Variants in SH3BP4 observed in about 807,000 individuals in gnomAD.
SH3BP4 encodes the protein SH3 domain-binding protein 4.
SH3BP4 carries 33 observed loss-of-function variants against 65.5 expected under a neutral mutation model. The observed-to-expected ratio is 0.50, with a 90% CI of 0.38 to 0.67. The LOEUF (loss-of-function observed/expected upper bound fraction) is 0.67, where lower values mean the gene tolerates loss of function less well. SH3BP4 is among the 30% of genes least tolerant of loss of function. The pLI is 0.00. For missense variants in SH3BP4, 1,134 were observed against 1,261.4 expected (o/e 0.90, Z 1.53); for synonymous variants, 552 against 545.5 (o/e 1.01, Z -0.17).
chr2:234,986,632 C>CT (rs1302871751), intron 1 of SH3BP4, among the ~76,000 whole-genome samples: 1 of 151,948 alleles, frequency 6.6e-6, no homozygotes, highest in Non-Finnish European at 1.5e-5. Context: ...AGGATCCCAG[C>CT]TTTTCACTTC....
intron 2 of SH3BP4, among the ~76,000 whole-genome samples, chr2:235,005,225 T>TGTCTGTCTGTCTGTCC (rs1694256335): frequency 1.3e-5 from 2 of 152,186 alleles, no homozygotes; most frequent in Non-Finnish European, 2.9e-5. Flanking sequence ...CATGTCTGTC[T>TGTCTGTCTGTCTGTCC]GTCTGTCTGT....
In SH3BP4 at chr2:235,041,487, A is replaced by G. The variant is rs373386474; in HGVS notation, c.718A>G (p.Arg240Gly). The G allele has an allele frequency of 3.1e-6, 5 of 1,614,058 alleles. No homozygotes were observed. Among genetic ancestry groups the G allele is most frequent in the Non-Finnish European group, 4.2e-6 (5 of 1,180,042 alleles). The part of the protein sequence containing the change: ...PPVRRDNPFF[R>G]SKRSYSLSEL... The stretch of plus-strand genomic sequence containing the variant: ...GGTCAGGCGGGACAACCCCTTCTTC[A>G]GAAGCAAGCGCTCCTACAGTCTCTC... The change falls in exon 4 of 6, where the codon AGA (arginine) becomes GGA (glycine). Residue 240 changes from arginine (R) to glycine (G), a missense_variant. Arg to Gly is a moderately radical substitution (Grantham distance 125, BLOSUM62 -2). Coordinates refer to ENST00000392011, the MANE Select transcript of SH3BP4 (RefSeq NM_014521.3). The surrounding 1 kb of genome is among the most constrained non-coding windows in gnomAD (Gnocchi z 6.0).
At chr2:235,002,451 A>C (rs75135166) in intron 2 of SH3BP4, among the ~76,000 whole-genome samples, 1 of 152,168 alleles carries the variant, frequency 6.6e-6, no homozygotes, top group African/African-American at 2.4e-5. Context: ...ACCAAGGTCA[A>C]GCTGGATGCG....
chr2:234,975,807 T>C lies in SH3BP4; in HGVS notation c.-206-19496T>C, dbSNP rs568318709. Among the ~76,000 whole-genome samples the C allele has an allele frequency of 6.0e-4, 91 of 152,122 alleles. 2 individuals carry two copies. The South Asian group carries it at 0.017, about 29-fold the overall frequency. Reference sequence around the variant, plus strand: ...GTGAAGATCACCTGAGCCCAGGAGATTGAGGCTGCAGTGAGCTGCAGTCAT... The same window carrying C: ...GTGAAGATCACCTGAGCCCAGGAGACTGAGGCTGCAGTGAGCTGCAGTCAT... On this transcript the variant is annotated intron_variant, in intron 1 of 5. Coordinates refer to ENST00000392011, the MANE Select transcript of SH3BP4 (RefSeq NM_014521.3).
intron 1 of SH3BP4, among the ~76,000 whole-genome samples, chr2:234,957,363 T>A (rs961731417): frequency 6.6e-6 from 1 of 151,964 alleles, no homozygotes; most frequent in Admixed American, 6.6e-5. Context: ...ACTAAATAGT[T>A]AACAATCTGT....
In SH3BP4 at chr2:235,033,968, C is replaced by T. The variant is rs573559886; in HGVS notation, c.-132-903C>T. Among the ~76,000 whole-genome samples the T allele has an allele frequency of 6.6e-6, 1 of 152,124 alleles. No individual in the cohort carries two copies. The highest frequency in any genetic ancestry group is 6.5e-5 in the Admixed American group (1 of 15,284). ...GGGTGAGATTTGCCTGCTCAGAGCTCTAAGTACTGTGGCCAGCTGTGAAAG... is the reference window on the plus strand; with the variant it reads ...GGGTGAGATTTGCCTGCTCAGAGCTTTAAGTACTGTGGCCAGCTGTGAAAG... On this transcript the variant is annotated intron_variant, in intron 2 of 5. Transcript: ENST00000392011. The surrounding 1 kb of genome is among the most constrained non-coding windows in gnomAD (Gnocchi z 5.7).
At position 234,976,707 on chromosome 2, in the gene SH3BP4, T is replaced by A. The variant is rs1693177192; in HGVS notation, c.-206-18596T>A. Among the ~76,000 whole-genome samples the A allele has an allele frequency of 6.6e-6, 1 of 151,882 alleles. No individual in the cohort carries two copies. The highest frequency in any genetic ancestry group is 2.1e-4 in the South Asian group (1 of 4,814). On this transcript the variant is annotated intron_variant, in intron 1 of 5. Coordinates refer to ENST00000392011, the MANE Select transcript of SH3BP4 (RefSeq NM_014521.3). The surrounding 1 kb of genome is among the most constrained non-coding windows in gnomAD (Gnocchi z 4.7). ...GTGTGGCAAGAAGGACACCTGCCTCTGGTCTTCCTCTCAGTAACACACAAC... is the reference window on the plus strand; with the variant it reads ...GTGTGGCAAGAAGGACACCTGCCTCAGGTCTTCCTCTCAGTAACACACAAC...
At chr2:235,038,327 ATATT>A (rs1347401579) in intron 3 of SH3BP4, among the ~76,000 whole-genome samples, 1 of 15,108 alleles carries the variant, frequency 6.6e-5, no homozygotes, top group African/African-American at 3.5e-4. Context: ...TATTATATAT[ATATT>A]ATATATAGTA....
chr2:235,007,690 G>A (rs1481707707), intron 2 of SH3BP4, among the ~76,000 whole-genome samples: 2 of 152,180 alleles, frequency 1.3e-5, no homozygotes, highest in Non-Finnish European at 2.9e-5. Context: ...GCTAAGTGGG[G>A]AAGAAGAGAC....
At chr2:234,993,093 G>C (rs1559235654) in intron 1 of SH3BP4, among the ~76,000 whole-genome samples, 1 of 152,248 alleles carries the variant, frequency 6.6e-6, no homozygotes, top group African/African-American at 2.4e-5. Context: ...TCCTTCTGGG[G>C]AGCGCCCGGT....
chr2:234,977,965 C>CT lies in SH3BP4; in HGVS notation c.-206-17331dup, dbSNP rs945219312. On this transcript the variant is annotated intron_variant, in intron 1 of 5. Coordinates refer to ENST00000392011, the MANE Select transcript of SH3BP4 (RefSeq NM_014521.3). The surrounding 1 kb of genome is among the most constrained non-coding windows in gnomAD (Gnocchi z 5.1). ...TGTTTCTATTTTATTTTATTTTTTACTTTTTTTGAGACAGAGTTTGGCTCT... is the reference window on the plus strand; with the variant it reads ...TGTTTCTATTTTATTTTATTTTTTACTTTTTTTTGAGACAGAGTTTGGCTCT... Among the ~76,000 whole-genome samples the CT allele has an allele frequency of 5.5e-4, 84 of 152,182 alleles. No individual in the cohort carries two copies. The highest frequency in any genetic ancestry group is 1.9e-3 in the African/African-American group (77 of 41,524).
At position 234,977,092 on chromosome 2, in the gene SH3BP4, C is replaced by T. The variant is rs996456715; in HGVS notation, c.-206-18211C>T. Among the ~76,000 whole-genome samples, 1 of 152,204 alleles carries T rather than the reference C, an allele frequency of 6.6e-6. No individual in the cohort carries two copies. The highest frequency in any genetic ancestry group is 1.9e-4 in the East Asian group (1 of 5,200). ...TCTCTGTATTATCTCCACGACTTTT[C>T]TATGAATTTAAATCTATCCTAAAAG... On this transcript the variant is annotated intron_variant, in intron 1 of 5. Transcript: ENST00000392011. This position sits in a 1 kb window ranked among gnomAD's most constrained non-coding sequence, Gnocchi z 5.1.
At chr2:235,003,019 C>T (rs1317278918) in intron 2 of SH3BP4, among the ~76,000 whole-genome samples, 1 of 152,278 alleles carries the variant, frequency 6.6e-6, no homozygotes. Context: ...GCCATCTGCC[C>T]AGGCATAGAT....
chr2:235,009,715 C>G (rs947377434), intron 2 of SH3BP4, among the ~76,000 whole-genome samples: 1 of 152,130 alleles, frequency 6.6e-6, no homozygotes, highest in Non-Finnish European at 1.5e-5. Flanking sequence ...TATTCCAGAT[C>G]TAATCAAGAT....
chr2:235,016,822 TTCTA>T (rs1694698241), intron 2 of SH3BP4, among the ~76,000 whole-genome samples: 1 of 152,174 alleles, frequency 6.6e-6, no homozygotes, highest in African/African-American at 2.4e-5. Context: ...TCATTCACCC[TTCTA>T]TCTGTCTGTG....
At chr2:235,012,962 C>G (rs1410052020) in intron 2 of SH3BP4, among the ~76,000 whole-genome samples, 1 of 152,204 alleles carries the variant, frequency 6.6e-6, no homozygotes, top group Non-Finnish European at 1.5e-5. Context: ...GGGCTGGAGG[C>G]CGGACGCCGA....
intron 1 of SH3BP4, chr2:234,979,818 A>AG (rs1693307887): frequency 3.3e-5 from 1 of 30,066 alleles, no homozygotes; most frequent in Non-Finnish European, 5.4e-5. Flanking sequence ...ATGACCCTGG[A>AG]GGACCCCTCC....
Position 235,042,042 on chromosome 2 carries a change from T to C in SH3BP4, c.1273T>C (p.Tyr425His). 3.1e-6 allele frequency: 5 copies of C among 1,614,036 alleles called. No individual in the cohort carries two copies. Among genetic ancestry groups the C allele is most frequent in the Non-Finnish European group, 4.2e-6 (5 of 1,180,024 alleles). ...GAGGAGCGACTCGAAGGAAGGGCCA[T>C]ATGTCTCCGTCCCGCTCAACTGCAG... ...CLRSDSKEGP[Y>H]VSVPLNCSCG... Residue 425 changes from tyrosine to histidine, a missense_variant, in exon 4 of 6, where the codon TAT becomes CAT. By Grantham distance (83) the Tyr-to-His change is moderately conservative (BLOSUM62 2). Coordinates refer to ENST00000392011, the MANE Select transcript of SH3BP4 (RefSeq NM_014521.3). The surrounding 1 kb of genome is among the most constrained non-coding windows in gnomAD (Gnocchi z 7.3).
intron 1 of SH3BP4, among the ~76,000 whole-genome samples, chr2:234,992,152 C>T (rs779156331): frequency 1.3e-5 from 2 of 152,362 alleles, no homozygotes; most frequent in Non-Finnish European, 2.9e-5. Flanking sequence ...AGCGCAGCCT[C>T]TCTTTAAATA....
Sources: gnomAD v4.1 joint callset for allele counts (sites outside exome capture counted in the v4.1 genomes callset) on GRCh38, gnomAD v4.1.1 for gene constraint, Gnocchi (gnomAD v3.1) non-coding constraint, MANE v1.5 for transcripts, NCBI Gene and HGNC (gene_info 2026-07-23, HGNC 2026-07-21) for gene names.